The following TRMT11 variants were observed in gnomAD, a reference collection of about 807,000 sequenced individuals.
TRMT11 encodes tRNA (guanine(10)-N(2))-methyltransferase TRMT11.
TRMT11 carries 53 observed loss-of-function variants against 62.8 expected under a neutral mutation model. That is an observed-to-expected ratio of 0.84 (90% CI 0.68 to 1.06). The LOEUF is 1.06. TRMT11 is among the 50% of genes least tolerant of loss of function. The pLI, the probability that TRMT11 is intolerant of heterozygous loss-of-function variation, is 0.00. For missense variants in TRMT11, 556 were observed against 553.4 expected (o/e 1.00, Z -0.05); for synonymous variants, 188 against 190.3 (o/e 0.99, Z 0.10).
chr6:126,180,847 C>G (rs1332039398), intron 1 of TRMT11, among the ~76,000 whole-genome samples: 1 of 152,086 alleles, frequency 6.6e-6, no homozygotes, highest in Non-Finnish European at 1.5e-5. Context: ...CAACATGACT[C>G]TGATGACAAA....
intron 17 of TRMT11, among the ~76,000 whole-genome samples, chr6:126,098,921 G>A (rs544655889): frequency 1.3e-4 from 20 of 152,250 alleles, no homozygotes; most frequent in African/African-American, 3.1e-4. Flanking sequence ...TTCAGAAAAT[G>A]TAGGCATTCA....
upstream of TRMT11, among the ~76,000 whole-genome samples, chr6:126,174,799 C>G (rs1474656570): frequency 6.6e-6 from 1 of 152,122 alleles, no homozygotes; most frequent in Non-Finnish European, 1.5e-5. Flanking sequence ...CAACTTCATG[C>G]TATAATTGTG....
intron 17 of TRMT11, among the ~76,000 whole-genome samples, chr6:126,093,629 A>ATTTTTTTTTTTTTTTTTTTT (rs1199202335): frequency 1.1e-5 from 1 of 94,038 alleles, no homozygotes; most frequent in African/African-American, 4.6e-5. Context: ...ATATATATAT[A>ATTTTTTTTTTTTTTTTTTTT]TATTTTCCCC....
chr6:126,110,596 G>A (rs117805359), intron 17 of TRMT11, among the ~76,000 whole-genome samples: 1,836 of 152,122 alleles, frequency 0.012, 15 homozygotes, highest in Admixed American at 0.022. Context: ...CATAGCAATA[G>A]CAATGAGGTG....
At chr6:126,003,731 T>C (rs529208874) in intron 7 of TRMT11, among the ~76,000 whole-genome samples, 1 of 152,202 alleles carries the variant, frequency 6.6e-6, no homozygotes, top group South Asian at 2.1e-4. Flanking sequence ...TTTTGGTCTC[T>C]TTCCCTGATT....
intron 17 of TRMT11, among the ~76,000 whole-genome samples, chr6:126,057,753 G>A (rs770360238): frequency 1.3e-5 from 2 of 152,150 alleles, no homozygotes; most frequent in African/African-American, 2.4e-5. Flanking sequence ...CAAACACGGC[G>A]TCTGCGTGTG....
chr6:126,177,910 T>C (rs1462254803), intron 1 of TRMT11, among the ~76,000 whole-genome samples: 1 of 152,122 alleles, frequency 6.6e-6, no homozygotes, highest in African/African-American at 2.4e-5. Flanking sequence ...TCCATCCCCT[T>C]TCCCTTAAGC....
At chr6:126,162,330 A>G (rs1295739153) in intron 21 of TRMT11, among the ~76,000 whole-genome samples, 2 of 152,194 alleles carry the variant, frequency 1.3e-5, no homozygotes, top group African/African-American at 4.8e-5. Flanking sequence ...TTCTTTCCCC[A>G]TTTCTTGTTT....
intron 11 of TRMT11, among the ~76,000 whole-genome samples, chr6:126,016,675 A>G (rs1208037460): frequency 6.7e-6 from 1 of 149,158 alleles, no homozygotes; most frequent in East Asian, 2.0e-4. Flanking sequence ...TGTTTTAGAA[A>G]GGGAAAAGGG....
At chr6:126,103,787 G>A (rs1189648113) in intron 17 of TRMT11, among the ~76,000 whole-genome samples, 1 of 152,170 alleles carries the variant, frequency 6.6e-6, no homozygotes, top group East Asian at 1.9e-4. Flanking sequence ...AGTCTTTGGA[G>A]CAAATTTGCT....
intron 21 of TRMT11, among the ~76,000 whole-genome samples, chr6:126,171,116 G>A (rs1428617908): frequency 6.6e-6 from 1 of 152,144 alleles, no homozygotes; most frequent in East Asian, 1.9e-4. Context: ...GAGGAACTTC[G>A]AAGTATTTGG....
intron 17 of TRMT11, among the ~76,000 whole-genome samples, chr6:126,078,933 A>G (rs1301548225): frequency 6.6e-6 from 1 of 152,214 alleles, no homozygotes; most frequent in Non-Finnish European, 1.5e-5. Context: ...AACTTTTAAA[A>G]TACATTGTCA....
intron 21 of TRMT11, among the ~76,000 whole-genome samples, chr6:126,138,717 A>G (rs1219371478): frequency 6.6e-6 from 1 of 152,070 alleles, no homozygotes; most frequent in Admixed American, 6.6e-5. Context: ...TGAGAAATAG[A>G]GGAATCCAAT....
chr6:126,154,773 C>T (rs1778098203), intron 21 of TRMT11, among the ~76,000 whole-genome samples: 1 of 152,196 alleles, frequency 6.6e-6, no homozygotes, highest in South Asian at 2.1e-4. Context: ...TTGTTGTCCT[C>T]CTGGTTCCTG....
chr6:126,059,215 C>T (rs1776460592), intron 17 of TRMT11, among the ~76,000 whole-genome samples: 1 of 152,010 alleles, frequency 6.6e-6, no homozygotes, highest in Non-Finnish European at 1.5e-5. Flanking sequence ...CACTTAGTCT[C>T]CCTGTCAATG....
the TRMT11 span, among the ~76,000 whole-genome samples, chr6:126,242,256 T>C: frequency 2.6e-5 from 4 of 152,174 alleles, no homozygotes; most frequent in Non-Finnish European, 4.4e-5. Context: ...CAAGGAGAAC[T>C]ACAAACCACT....
chr6:126,154,333 G>A (rs1180663228), intron 21 of TRMT11, among the ~76,000 whole-genome samples: 2 of 145,488 alleles, frequency 1.4e-5, no homozygotes, highest in Non-Finnish European at 3.0e-5. Flanking sequence ...ATATGTGTGT[G>A]TGTGTATGTG....
At chr6:126,178,622 C>T (rs985149433) in intron 1 of TRMT11, among the ~76,000 whole-genome samples, 3 of 152,204 alleles carry the variant, frequency 2.0e-5, no homozygotes, top group African/African-American at 2.4e-5. Flanking sequence ...ATGTGAAAGA[C>T]AAGTTGATTG....
chr6:126,006,608 T>A (rs567003903), intron 7 of TRMT11, among the ~76,000 whole-genome samples: 4 of 151,572 alleles, frequency 2.6e-5, no homozygotes, highest in African/African-American at 9.7e-5. Flanking sequence ...CTTTTTTTTT[T>A]AGCACCCCTT....
Sources: gnomAD v4.1 joint callset for allele counts (sites outside exome capture counted in the v4.1 genomes callset) on GRCh38, gnomAD v4.1.1 for gene constraint, MANE v1.5 for transcripts, NCBI Gene and HGNC (gene_info 2026-07-23, HGNC 2026-07-21) for gene names.